SCN9A: variants seen among roughly 807,000 people sequenced by gnomAD.
SCN9A encodes sodium voltage-gated channel alpha subunit 9.
A neutral mutation model predicts 187.0 loss-of-function variants in SCN9A; 131 were observed. The ratio of observed to expected loss-of-function variants is 0.70; its 90% CI spans 0.61 to 0.81. The LOEUF is 0.81. Among genes scored for constraint, SCN9A ranks in the 30% least tolerant of loss-of-function variants. The pLI is 0.00. For missense variants in SCN9A, 2,252 were observed against 2,396.6 expected, an observed-to-expected ratio of 0.94 and a Z score of 1.26; for synonymous variants, 809 against 808.6, an observed-to-expected ratio of 1.00 and a Z score of -0.01.
Position 166,246,975 on chromosome 2 carries a change from G to A in SCN9A, c.3473-4319C>T, listed in dbSNP as rs142792711. Among the ~76,000 whole-genome samples, 405 of 151,946 alleles carry A rather than the reference G, an allele frequency of 2.7e-3. 12 individuals are homozygous for A. The highest frequency in any genetic ancestry group is 0.021 in the Admixed American group (318 of 15,244). On this transcript the variant is annotated intron_variant, in intron 18 of 26. Coordinates refer to ENST00000642356, the MANE Select transcript of SCN9A (RefSeq NM_001365536.1). ...ATTTCCAACTAAGCTGGTTAGCAAT[G>A]TTATCATACCTTCTCTTTAAAAGGA...
At chr2:166,201,044 A>T (rs1026066214) in intron 26 of SCN9A, among the ~76,000 whole-genome samples, 8 of 152,090 alleles carry the variant, frequency 5.3e-5, no homozygotes, top group African/African-American at 1.9e-4. Flanking sequence ...CCACAAATTG[A>T]AGACTAGCAT....
chr2:166,324,888 G>A (rs1699327420), intron 1 of SCN9A, among the ~76,000 whole-genome samples: 1 of 152,166 alleles, frequency 6.6e-6, no homozygotes, highest in Admixed American at 6.5e-5. Flanking sequence ...ATGTAATGTG[G>A]TAGCCTGGGT....
At chr2:166,371,110 G>A (rs1700550327) in intron 1 of SCN9A, among the ~76,000 whole-genome samples, 2 of 152,110 alleles carry the variant, frequency 1.3e-5, no homozygotes, top group Admixed American at 6.5e-5. Flanking sequence ...GTAATATATG[G>A]CATTTTTGGC....
intron 1 of SCN9A, among the ~76,000 whole-genome samples, chr2:166,345,349 T>C (rs983627972): frequency 6.6e-6 from 1 of 152,082 alleles, no homozygotes; most frequent in Admixed American, 6.6e-5. Flanking sequence ...GTGCTACAAA[T>C]GTAATTTTTT....
At chr2:166,351,500 TG>T (rs1386204700) in intron 1 of SCN9A, among the ~76,000 whole-genome samples, 2 of 152,224 alleles carry the variant, frequency 1.3e-5, no homozygotes, top group African/African-American at 4.8e-5. Flanking sequence ...CTTTATCTAA[TG>T]GATGTGATTT....
chr2:166,341,396 T>C (rs896800590), intron 1 of SCN9A, among the ~76,000 whole-genome samples: 2 of 152,228 alleles, frequency 1.3e-5, no homozygotes, highest in African/African-American at 2.4e-5. Flanking sequence ...TAAGGAAACA[T>C]TGAAGCTATG....
chr2:166,282,671 T>C (rs1697544390), intron 12 of SCN9A, among the ~76,000 whole-genome samples: 1 of 152,108 alleles, frequency 6.6e-6, no homozygotes, highest in South Asian at 2.1e-4. Context: ...ATTTTAAATA[T>C]ATATTTCTAG....
At chr2:166,285,426 T>C (rs1432630387) in intron 11 of SCN9A, among the ~76,000 whole-genome samples, 2 of 152,182 alleles carry the variant, frequency 1.3e-5, no homozygotes, top group Non-Finnish European at 2.9e-5. Flanking sequence ...TCTAGTTCAA[T>C]AGACATTAGT....
chr2:166,297,228 G>A (rs369910960), intron 7 of SCN9A, among the ~76,000 whole-genome samples: 8,275 of 49,350 alleles, frequency 0.17, 4 homozygotes, highest in Non-Finnish European at 0.21. Context: ...AAAAAAAAAA[G>A]AACCATGACT....
chr2:166,336,530 C>T (rs898545516), intron 1 of SCN9A, among the ~76,000 whole-genome samples: 26 of 152,084 alleles, frequency 1.7e-4, no homozygotes, highest in Non-Finnish European at 3.2e-4. Context: ...CCCCCAAAAT[C>T]GATTAAGCTG....
chr2:166,278,428 T>C, intron 14 of SCN9A, 115 bp from the exon 15 acceptor site: 1 of 818,528 alleles, frequency 1.2e-6, no homozygotes. Flanking sequence ...TGCTAAATAC[T>C]TTATAAATGG....
intron 17 of SCN9A, among the ~76,000 whole-genome samples, chr2:166,254,347 A>G (rs934220207): frequency 4.6e-5 from 7 of 151,658 alleles, no homozygotes; most frequent in African/African-American, 1.7e-4. Context: ...ATATAAAATT[A>G]AATGTTTATA....
At chr2:166,228,375 G>A (rs996214174) in intron 22 of SCN9A, among the ~76,000 whole-genome samples, 2 of 147,750 alleles carry the variant, frequency 1.4e-5, no homozygotes, top group African/African-American at 2.5e-5. Context: ...TCCTGCCTCA[G>A]CCTCCCAAGC....
chr2:166,360,391 A>G (rs1700254960), intron 1 of SCN9A, among the ~76,000 whole-genome samples: 1 of 152,216 alleles, frequency 6.6e-6, no homozygotes, highest in Admixed American at 6.5e-5. Context: ...GAAGACAGAA[A>G]ATACTTCTTA....
At chr2:166,355,120 G>A (rs1351798006) in intron 1 of SCN9A, among the ~76,000 whole-genome samples, 1 of 150,682 alleles carries the variant, frequency 6.6e-6, no homozygotes, top group Non-Finnish European at 1.5e-5. Flanking sequence ...TTTTTTAATG[G>A]AGTCTCTCTC....
At chr2:166,200,000 T>A in intron 26 of SCN9A, 136 bp from the exon 27 acceptor site, 1 of 495,490 alleles carries the variant, frequency 2.0e-6, no homozygotes, top group African/African-American at 3.9e-5. Context: ...TTTTTTTTTT[T>A]TTTTTTTTTT....
chr2:166,214,352 G>A (rs1313101612), intron 24 of SCN9A, among the ~76,000 whole-genome samples: 2 of 152,066 alleles, frequency 1.3e-5, no homozygotes, highest in African/African-American at 4.8e-5. Flanking sequence ...ACGTTTTCCA[G>A]CCGCTCCCTG....
intron 1 of SCN9A, among the ~76,000 whole-genome samples, chr2:166,313,803 G>T (rs146114242): frequency 8.8e-4 from 134 of 152,250 alleles, no homozygotes; most frequent in African/African-American, 3.0e-3. Context: ...GCCTATCTTG[G>T]CTTTCAACAT....
intron 1 of SCN9A, among the ~76,000 whole-genome samples, chr2:166,353,953 T>C (rs1227785131): frequency 6.6e-6 from 1 of 152,172 alleles, no homozygotes; most frequent in Non-Finnish European, 1.5e-5. Flanking sequence ...GATGGTGAAA[T>C]ACTTCTCCTA....
Sources: allele counts gnomAD v4.1 joint callset (sites outside exome capture counted in the v4.1 genomes callset), GRCh38; gene constraint gnomAD v4.1.1; transcripts MANE v1.5; gene names NCBI Gene and HGNC (gene_info 2026-07-23, HGNC 2026-07-21).